Variants in ZNF578 observed in about 807,000 individuals in gnomAD.
ZNF578 encodes the protein Putative chemokine-related protein B42.
In ZNF578, 8 loss-of-function variants were observed where a neutral mutation model predicts 8.3. That is an observed-to-expected ratio of 0.96 (90% CI 0.56 to 1.74). ZNF578 has a LOEUF of 1.74. ZNF578 is among the 40% of genes most tolerant of loss of function. ZNF578 has a pLI of 0.00. For missense variants in ZNF578, 726 were observed against 707.5 expected, an observed-to-expected ratio of 1.03 and a Z score of -0.30; for synonymous variants, 206 against 232.2, an observed-to-expected ratio of 0.89 and a Z score of 1.03.
At chr19:52,508,230 A>G (rs1022821038) in intron 5 of ZNF578, among the ~76,000 whole-genome samples, 3 of 151,912 alleles carry the variant, frequency 2.0e-5, no homozygotes, top group Non-Finnish European at 2.9e-5. Context: ...CTATAGTCCC[A>G]GCTACTTGGG....
At chr19:52,454,534 A>G (rs2059233317) in intron 1 of ZNF578, 1 of 152,240 alleles carries the variant, frequency 6.6e-6, no homozygotes, top group Non-Finnish European at 1.5e-5. Flanking sequence ...TTAATTTGCC[A>G]GAGTAGCTCA....
At chr19:52,475,705 G>A (rs1310557050) in intron 2 of ZNF578, among the ~76,000 whole-genome samples, 4 of 152,170 alleles carry the variant, frequency 2.6e-5, no homozygotes, top group Non-Finnish European at 4.4e-5. Flanking sequence ...ATAATTTGAA[G>A]TCTGTAACCT....
In ZNF578 at chr19:52,516,300, A is replaced by C. The variant is rs942434721; in HGVS notation, c.*4146A>C. The stretch of plus-strand genomic sequence containing the variant: ...ATGAGCCACTGCAACCAGCCTCTGC[A>C]TGGGGTTTCCTCAACTTTAGGTCTG... On this transcript the variant is annotated 3_prime_UTR_variant, in exon 6 of 6. Coordinates refer to ENST00000421239, the MANE Select transcript of ZNF578 (RefSeq NM_001099694.2). Among the ~76,000 whole-genome samples, 8 of 152,122 alleles carry C rather than the reference A, an allele frequency of 5.3e-5. No homozygotes were observed. Among genetic ancestry groups the C allele is most frequent in the African/African-American group, 1.9e-4 (8 of 41,436 alleles).
intron 2 of ZNF578, among the ~76,000 whole-genome samples, chr19:52,490,821 T>C (rs1181768108): frequency 2.0e-5 from 3 of 152,098 alleles, no homozygotes. Context: ...GAATCTTTTC[T>C]TATCTTCTCT....
At chr19:52,503,926 T>C (rs935303436) in intron 4 of ZNF578, among the ~76,000 whole-genome samples, 9 of 151,656 alleles carry the variant, frequency 5.9e-5, no homozygotes, top group African/African-American at 2.2e-4. Flanking sequence ...GCCTCTTGAG[T>C]AGCTGGGAGT....
intron 2 of ZNF578, among the ~76,000 whole-genome samples, chr19:52,485,543 G>A (rs1375407501): frequency 6.6e-6 from 1 of 152,134 alleles, no homozygotes; most frequent in East Asian, 1.9e-4. Context: ...TGTCCTGTAG[G>A]GAAAGGAAAG....
intron 2 of ZNF578, among the ~76,000 whole-genome samples, chr19:52,468,629 G>A (rs1323190575): frequency 6.6e-6 from 1 of 152,196 alleles, no homozygotes; most frequent in Non-Finnish European, 1.5e-5. Flanking sequence ...GTTTCTGGGT[G>A]TGTCTGTGAG....
rs1054046040 is a variant in ZNF578 at position 52,515,063 on chromosome 19, A to G, written c.*2909A>G. On this transcript the variant is annotated 3_prime_UTR_variant, in exon 6 of 6. Transcript: ENST00000421239. ...CTCCAATGTCTTCCTCCTGGGTTCAAGTGATTTCTCCTGCCTCATCCTACT... is the reference window on the plus strand; with the variant it reads ...CTCCAATGTCTTCCTCCTGGGTTCAGGTGATTTCTCCTGCCTCATCCTACT... Among the ~76,000 whole-genome samples, 15 of 150,234 alleles carry G rather than the reference A, an allele frequency of 1.0e-4. No homozygotes were observed. The highest frequency in any genetic ancestry group is 3.7e-4 in the African/African-American group (15 of 40,640).
intron 2 of ZNF578, among the ~76,000 whole-genome samples, chr19:52,466,680 A>G (rs1304196340): frequency 6.6e-6 from 1 of 152,240 alleles, no homozygotes; most frequent in Non-Finnish European, 1.5e-5. Flanking sequence ...GACAACTGTT[A>G]TATAAGTTAA....
At chr19:52,509,344 A>G (rs1339265255) in intron 5 of ZNF578, among the ~76,000 whole-genome samples, 3 of 152,030 alleles carry the variant, frequency 2.0e-5, no homozygotes, top group Non-Finnish European at 4.4e-5. Context: ...TTAAGAGGGA[A>G]TTGTTTAGAA....
chr19:52,511,885 C>G lies in ZNF578; in HGVS notation c.1504C>G (p.Arg502Gly), dbSNP rs185671122. The G allele has an allele frequency of 5.0e-6, 8 of 1,613,020 alleles. No individual in the cohort carries two copies. In the East Asian group the frequency reaches 1.6e-4, roughly 32 times the overall value. Reference sequence around the variant, plus strand: ...TCACAGGTCATCTCTTCCATGCCATCGTAGACTTCATAGTGGTGAGAAACC... The same window carrying G: ...TCACAGGTCATCTCTTCCATGCCATGGTAGACTTCATAGTGGTGAGAAACC... ...FSHRSSLPCH[R>G]RLHSGEKPYK... Residue 502 changes from arginine to glycine, a missense_variant, in exon 6 of 6, where the codon CGT becomes GGT. By Grantham distance (125) the Arg-to-Gly change is moderately radical (BLOSUM62 -2). Coordinates refer to ENST00000421239, the MANE Select transcript of ZNF578 (RefSeq NM_001099694.2).
chr19:52,499,796 C>T (rs2059400134), intron 3 of ZNF578, among the ~76,000 whole-genome samples: 1 of 151,388 alleles, frequency 6.6e-6, no homozygotes, highest in Admixed American at 6.6e-5. Context: ...AGGGATTCTC[C>T]TGCCTCAGAC....
At chr19:52,472,802 C>T (rs1381720325) in intron 2 of ZNF578, among the ~76,000 whole-genome samples, 1 of 152,146 alleles carries the variant, frequency 6.6e-6, no homozygotes, top group Non-Finnish European at 1.5e-5. Flanking sequence ...AGGCTAAAGT[C>T]ATAAAGAGTA....
At chr19:52,494,306 G>T (rs1426356585) in intron 3 of ZNF578, among the ~76,000 whole-genome samples, 2 of 151,860 alleles carry the variant, frequency 1.3e-5, no homozygotes, top group African/African-American at 4.8e-5. Context: ...AGGCAAAATA[G>T]TGAGACCCGC....
chr19:52,484,216 G>C (rs1435118786), intron 2 of ZNF578, among the ~76,000 whole-genome samples: 1 of 152,220 alleles, frequency 6.6e-6, no homozygotes, highest in African/African-American at 2.4e-5. Context: ...ATTGCTGCCA[G>C]CATGTCTCAC....
At chr19:52,495,386 G>T (rs934324457) in intron 3 of ZNF578, among the ~76,000 whole-genome samples, 5 of 147,174 alleles carry the variant, frequency 3.4e-5, no homozygotes, top group African/African-American at 1.2e-4. Flanking sequence ...GGAGGCAGAG[G>T]TTGTGGTGAG....
At chr19:52,483,051 T>TA (rs1257416255) in intron 2 of ZNF578, among the ~76,000 whole-genome samples, 1 of 151,202 alleles carries the variant, frequency 6.6e-6, no homozygotes, top group Non-Finnish European at 1.5e-5. Flanking sequence ...GCCTGAGTGA[T>TA]AGAGTGTGAC....
intron 3 of ZNF578, among the ~76,000 whole-genome samples, chr19:52,492,629 C>A (rs1382255642): frequency 2.6e-5 from 4 of 152,200 alleles, no homozygotes; most frequent in African/African-American, 9.6e-5. Flanking sequence ...GGCCGCTCTC[C>A]CCTCCAAACA....
At chr19:52,487,959 CCT>C (rs947717728) in intron 2 of ZNF578, among the ~76,000 whole-genome samples, 83 of 146,086 alleles carry the variant, frequency 5.7e-4, no homozygotes, top group Middle Eastern at 3.9e-3. Context: ...AGCCCCCCCC[CCT>C]TTTTTTTTTT....
Sources: allele counts gnomAD v4.1 joint callset (sites outside exome capture counted in the v4.1 genomes callset), GRCh38; gene constraint gnomAD v4.1.1; transcripts MANE v1.5; gene names NCBI Gene and HGNC (gene_info 2026-07-23, HGNC 2026-07-21).